The following C1QC variants were observed in gnomAD, a reference collection of about 807,000 sequenced individuals.
C1QC encodes complement C1q C chain.
In C1QC, 4 loss-of-function variants were observed where a neutral mutation model predicts 5.9. The observed-to-expected ratio is 0.68, with a 90% CI of 0.33 to 1.55. The LOEUF (loss-of-function observed/expected upper bound fraction) is 1.55, where lower values mean the gene tolerates loss of function less well. C1QC is among the 40% of genes most tolerant of loss of function. The probability of loss-of-function intolerance (pLI) is 0.06; values close to 1 mark genes in which losing one functional copy is unlikely to be tolerated. For missense variants in C1QC, 299 were observed against 326.9 expected (o/e 0.91, Z 0.66); for synonymous variants, 166 against 153.8 (o/e 1.08, Z -0.59).
chr1:22,643,892 G>A (rs1365096812), intron 1 of C1QC, 119 bp from the exon 2 acceptor site: 1 of 1,394,450 alleles, frequency 7.2e-7, no homozygotes, highest in Non-Finnish European at 9.4e-7. Context: ...CCATGGTGAG[G>A]CTCCTGGGGG....
In C1QC at chr1:22,643,713, A is replaced by C; in HGVS notation, c.-15A>C. 8.3e-7 allele frequency: 1 copy of C among 1,201,552 alleles called. No individual in the cohort carries two copies. The highest frequency in any genetic ancestry group is 1.0e-6 in the Non-Finnish European group (1 of 966,638). 74.4% of individuals were successfully genotyped at this position (1,201,552 alleles called of 1,614,324 possible). A position where few individuals can be genotyped will look rare whatever the true frequency, so the allele number is the denominator to read the frequency against. On this transcript the variant is annotated splice_region_variant and 5_prime_UTR_variant, in exon 1 of 3. Coordinates refer to ENST00000374640, the MANE Select transcript of C1QC (RefSeq NM_172369.5). The stretch of plus-strand genomic sequence containing the variant: ...GCCAGGCCAGAAACCGCCCACCTGC[A>C]GGTGAGGCCCGGACCCCTGCCCAGG...
Position 22,647,348 on chromosome 1 carries a change from C to T in C1QC, c.303C>T (p.Pro101=). 1 of 1,614,026 alleles carries T rather than the reference C, an allele frequency of 6.2e-7. No individual in the cohort carries two copies. ...CTGGGATGCCAGGGGTGCCCGGCCC[C>T]ATGGGCATCCCTGGAGAGCCAGGTG... ...GPPGMPGVPG[P]MGIPGEPGEE... Residue 101 remains proline, a synonymous_variant, in exon 3 of 3, where the codon CCC becomes CCT. Coordinates refer to ENST00000374640, the MANE Select transcript of C1QC (RefSeq NM_172369.5).
chr1:22,644,276 A>T, intron 2 of C1QC, 72 bp downstream of exon 2: 1 of 1,399,220 alleles, frequency 7.1e-7, no homozygotes, highest in Non-Finnish European at 9.6e-7. Flanking sequence ...GGGCTGACCA[A>T]GGGGGCGGGG....
chr1:22,647,054 C>T (rs1261042921), intron 2 of C1QC, among the ~76,000 whole-genome samples, 173 bp from the exon 3 acceptor site: 3 of 152,196 alleles, frequency 2.0e-5, no homozygotes, highest in Non-Finnish European at 4.4e-5. Context: ...CTCTCTCTCT[C>T]CCCTCCAGCC....
At position 22,647,750 on chromosome 1, in the gene C1QC, C is replaced by T. The variant is rs771395443; in HGVS notation, c.705C>T (p.Ser235=). ...TGGTGGGCATCCAGGGCTCTGACAG[C>T]GTCTTCTCCGGCTTCCTGCTCTTCC... ...YDMVGIQGSD[S]VFSGFLLFPD The change falls in exon 3 of 3, where the codon AGC becomes AGT. Residue 235 remains serine, a synonymous_variant. Transcript: ENST00000374640. 11 of 1,600,080 alleles carry T rather than the reference C, an allele frequency of 6.9e-6. No individual in the cohort carries two copies. Among genetic ancestry groups the T allele is most frequent in the South Asian group, 4.4e-5 (4 of 91,084 alleles).
chr1:22,646,891 C>T (rs1335763771), intron 2 of C1QC, among the ~76,000 whole-genome samples: 2 of 152,208 alleles, frequency 1.3e-5, no homozygotes, highest in African/African-American at 4.8e-5. Context: ...TGCCATCTGT[C>T]CGTGGGCTGA....
At position 22,644,136 on chromosome 1, in the gene C1QC, T is replaced by C; in HGVS notation, c.113T>C (p.Met38Thr). The C allele has an allele frequency of 1.3e-6, 2 of 1,583,886 alleles. No individual in the cohort carries two copies. Among genetic ancestry groups the C allele is most frequent in the Non-Finnish European group, 1.7e-6 (2 of 1,166,006 alleles). ...ANTGCYGIPG[M>T]PGLPGAPGKD... ...ACAGGCTGCTACGGGATCCCAGGGA[T>C]GCCCGGCCTGCCCGGGGCACCAGGG... The change falls in exon 2 of 3, where the codon ATG becomes ACG. Residue 38 changes from methionine (M) to threonine (T), a missense_variant. Met to Thr is a moderately conservative substitution (Grantham distance 81). Coordinates refer to ENST00000374640, the MANE Select transcript of C1QC (RefSeq NM_172369.5).
In C1QC at chr1:22,644,073, T is replaced by A. The variant is rs933505968; in HGVS notation, c.50T>A (p.Leu17Gln). The change falls in exon 2 of 3, where the codon CTG (leucine) becomes CAG (glutamine). Residue 17 changes from leucine (L) to glutamine (Q), a missense_variant. Coordinates refer to ENST00000374640, the MANE Select transcript of C1QC (RefSeq NM_172369.5). ...CCCCACCTTGGGCTGAAGCTGCTGCTGCTCCTGCTGCTGCTGCCCCTCAGG... is the reference window on the plus strand; with the variant it reads ...CCCCACCTTGGGCTGAAGCTGCTGCAGCTCCTGCTGCTGCTGCCCCTCAGG... Reference protein sequence around the residue: ...SLPHLGLKLLLLLLLLPLRGQ... With the variant: ...SLPHLGLKLLQLLLLLPLRGQ... 1.3e-6 allele frequency: 2 copies of A among 1,580,846 alleles called. No individual in the cohort carries two copies. Among genetic ancestry groups the A allele is most frequent in the Non-Finnish European group, 1.7e-6 (2 of 1,164,530 alleles).
chr1:22,646,927 C>G (rs1166350698), intron 2 of C1QC, among the ~76,000 whole-genome samples: 2 of 152,220 alleles, frequency 1.3e-5, no homozygotes, highest in Admixed American at 1.3e-4. Context: ...TGATCCCGCC[C>G]AGCTCTGAGC....
Position 22,643,652 on chromosome 1 carries a change from C to T in C1QC, c.-76C>T. 9.4e-7 allele frequency: 1 copy of T among 1,064,350 alleles called. No individual in the cohort carries two copies. The highest frequency in any genetic ancestry group is 1.1e-6 in the Non-Finnish European group (1 of 881,324). The allele number at this position is 1,064,350 out of a possible 1,614,324, so 65.9% of individuals were successfully genotyped here. ...CCACTCAGACACCGTGTCCTCTTGC[C>T]TGGGAGAGGGGAAGCAGATCTGAGG... is the stretch of plus-strand genomic sequence containing the variant. On this transcript the variant is annotated 5_prime_UTR_variant, in exon 1 of 3. Transcript: ENST00000374640.
At chr1:22,643,744 G>A (rs968563833) in intron 1 of C1QC, 30 bp downstream of exon 1, 3 of 1,312,044 alleles carry the variant, frequency 2.3e-6, no homozygotes, top group Non-Finnish European at 2.9e-6. Flanking sequence ...CCAGGTATGG[G>A]CAGATGGCCG....
Position 22,647,608 on chromosome 1 carries a change from A to T in C1QC, c.563A>T (p.Lys188Ile), listed in dbSNP as rs780237929. The T allele has an allele frequency of 2.5e-5, 41 of 1,614,090 alleles. No homozygotes were observed. The highest frequency in any genetic ancestry group is 1.0e-4 in the Admixed American group (6 of 60,010). Residue 188 changes from lysine (K) to isoleucine (I), a missense_variant, in exon 3 of 3, where the codon AAA becomes ATA. Lys to Ile is a moderately radical substitution (Grantham distance 102). Around this residue, in one of 3 missense-constraint regions of C1QC, gnomAD observed 144 missense variants for 155.1 expected, o/e 0.93. Coordinates refer to ENST00000374640, the MANE Select transcript of C1QC (RefSeq NM_172369.5). ...GTGCTGCTGTACCGCAGCGGCGTCA[A>T]AGTGGTCACCTTCTGTGGCCACACG... ...LCVLLYRSGV[K>I]VVTFCGHTSK...
chr1:22,647,865 A>G lies in C1QC; in HGVS notation c.*82A>G. On this transcript the variant is annotated 3_prime_UTR_variant, in exon 3 of 3. Transcript: ENST00000374640. ...GGACCCACCTTACTGGCCAGTCTGC[A>G]TCCTTGCCTAGACCATTCTCCCCAC... 3.2e-6 allele frequency: 5 copies of G among 1,568,006 alleles called. No homozygotes were observed. The highest frequency in any genetic ancestry group is 4.3e-6 in the Non-Finnish European group (5 of 1,159,298).
At chr1:22,643,922 C>G (rs1194676805) in intron 1 of C1QC, 89 bp from the exon 2 acceptor site, 13 of 1,456,676 alleles carry the variant, frequency 8.9e-6, no homozygotes, top group African/African-American at 1.4e-5. Context: ...GGCGAGCTCC[C>G]GAGGGCTGAG....
At chr1:22,645,856 A>T (rs1486724018) in intron 2 of C1QC, among the ~76,000 whole-genome samples, 1 of 152,208 alleles carries the variant, frequency 6.6e-6, no homozygotes. Flanking sequence ...TAAGAGGTTC[A>T]TAAGCCATAG....
chr1:22,646,912 A>G (rs1357084606), intron 2 of C1QC, among the ~76,000 whole-genome samples: 1 of 152,222 alleles, frequency 6.6e-6, no homozygotes, highest in East Asian at 1.9e-4. Context: ...CAGTCATGGC[A>G]TCTGTGATCC....
chr1:22,648,041 T>A lies in C1QC; in HGVS notation c.*258T>A. 1 of 28,470 alleles carries A rather than the reference T, an allele frequency of 3.5e-5. No individual in the cohort carries two copies. The highest frequency in any genetic ancestry group is 5.2e-5 in the Non-Finnish European group (1 of 19,136). The allele number at this position is 28,470 out of a possible 1,614,324, so 1.8% of individuals were successfully genotyped here. ...CCAATGCCTTCTGGTACTGCCATTCTTTTTTTTTTTTTTTTCAAGTATTGG... is the reference window on the plus strand; with the variant it reads ...CCAATGCCTTCTGGTACTGCCATTCATTTTTTTTTTTTTTTCAAGTATTGG... On this transcript the variant is annotated 3_prime_UTR_variant, in exon 3 of 3. Coordinates refer to ENST00000374640, the MANE Select transcript of C1QC (RefSeq NM_172369.5).
rs372353706 is a variant in C1QC, at chr1:22,647,297, T to C, written c.252T>C (p.Pro84=). ...QKGEPGLPGH[P]GKNGPMGPPG... ...GAGAACCCGGCTTACCCGGCCATCC[T>C]GGGAAAAATGGCCCCATGGGACCCC... Residue 84 remains proline, a synonymous_variant, in exon 3 of 3, where the codon CCT becomes CCC. Transcript: ENST00000374640. The C allele has an allele frequency of 7.4e-6, 12 of 1,613,424 alleles. No homozygotes were observed. The highest frequency in any genetic ancestry group is 9.3e-6 in the Non-Finnish European group (11 of 1,179,930).
rs1458871409 is a variant in C1QC, at chr1:22,647,843, C to A, written c.*60C>A. ...CACCTCCCTCAGCTTCCTGCATGGA[C>A]CCACCTTACTGGCCAGTCTGCATCC... is the stretch of plus-strand genomic sequence containing the variant. On this transcript the variant is annotated 3_prime_UTR_variant, in exon 3 of 3. Coordinates refer to ENST00000374640, the MANE Select transcript of C1QC (RefSeq NM_172369.5). The A allele has an allele frequency of 5.0e-6, 8 of 1,591,942 alleles. No individual in the cohort carries two copies. The East Asian group carries it at 1.8e-4, about 36-fold the overall frequency.
Sources: allele counts gnomAD v4.1 joint callset (sites outside exome capture counted in the v4.1 genomes callset), GRCh38; gene constraint gnomAD v4.1.1; regional missense constraint gnomAD v4.1.1; transcripts MANE v1.5; gene names NCBI Gene and HGNC (gene_info 2026-07-23, HGNC 2026-07-21).